The following GABRG3 variants were observed in gnomAD, a reference collection of about 807,000 sequenced individuals.
GABRG3 encodes the protein gamma-aminobutyric acid receptor subunit gamma-3.
A neutral mutation model predicts 48.8 loss-of-function variants in GABRG3; 25 were observed. The ratio of observed to expected loss-of-function variants is 0.51; its 90% confidence interval spans 0.37 to 0.72. The LOEUF (loss-of-function observed/expected upper bound fraction) is 0.72. GABRG3 is among the 30% of genes least tolerant of loss of function. GABRG3 has a pLI of 0.00. For synonymous variants in GABRG3, 227 were observed against 217.6 expected (o/e 1.04, Z -0.38); for missense variants, 394 against 577.9 (o/e 0.68, Z 3.26).
chr15:27,343,307 G>T (rs1425386941), intron 5 of GABRG3, among the ~76,000 whole-genome samples: 1 of 152,152 alleles, frequency 6.6e-6, no homozygotes, highest in Non-Finnish European at 1.5e-5. Context: ...GTCTCAAACA[G>T]ACCTGTGCTT....
chr15:27,270,179 C>G (rs1891037013), intron 3 of GABRG3, among the ~76,000 whole-genome samples: 1 of 152,076 alleles, frequency 6.6e-6, no homozygotes, highest in Admixed American at 6.6e-5. Context: ...AAAAATGAAT[C>G]AAGTTTTTCT....
chr15:27,031,924 A>G (rs1207692479), intron 3 of GABRG3, among the ~76,000 whole-genome samples: 1 of 152,198 alleles, frequency 6.6e-6, no homozygotes, highest in Non-Finnish European at 1.5e-5. Context: ...TCTCCTGCGT[A>G]AAGTTCATAG....
intron 3 of GABRG3, among the ~76,000 whole-genome samples, chr15:27,106,679 G>A (rs890253073): frequency 6.6e-6 from 1 of 151,922 alleles, no homozygotes; most frequent in South Asian, 2.1e-4. Context: ...GATTTAGCAG[G>A]ACTGACAAAA....
At chr15:27,036,947 C>A (rs1220261414) in intron 3 of GABRG3, among the ~76,000 whole-genome samples, 1 of 152,144 alleles carries the variant, frequency 6.6e-6, no homozygotes, top group Non-Finnish European at 1.5e-5. Context: ...AGAAGGGTGG[C>A]CCCTACTGCA....
chr15:27,049,546 T>C (rs1015477821), intron 3 of GABRG3, among the ~76,000 whole-genome samples: 2 of 152,186 alleles, frequency 1.3e-5, no homozygotes, highest in Non-Finnish European at 2.9e-5. Flanking sequence ...CCAGCAGGGA[T>C]GCCAGTGATC....
intron 5 of GABRG3, among the ~76,000 whole-genome samples, chr15:27,344,224 G>A (rs1382379301): frequency 6.6e-6 from 1 of 152,174 alleles, no homozygotes; most frequent in African/African-American, 2.4e-5. Flanking sequence ...ACTCTTTCTT[G>A]TACTAGCATA....
chr15:27,199,812 C>G (rs547696571), intron 3 of GABRG3, among the ~76,000 whole-genome samples: 1 of 152,270 alleles, frequency 6.6e-6, no homozygotes, highest in African/African-American at 2.4e-5. Flanking sequence ...GCAAAATGGA[C>G]TAAGAAACTT....
chr15:26,982,127 T>A (rs1446285643), intron 2 of GABRG3, among the ~76,000 whole-genome samples: 3 of 152,228 alleles, frequency 2.0e-5, no homozygotes, highest in Non-Finnish European at 4.4e-5. Context: ...CACCACAGTG[T>A]TTGCATCCTA....
At chr15:27,225,596 C>G (rs1889587539) in intron 3 of GABRG3, among the ~76,000 whole-genome samples, 1 of 152,140 alleles carries the variant, frequency 6.6e-6, no homozygotes, top group Admixed American at 6.5e-5. Flanking sequence ...TCCCACCTGC[C>G]TTCCACCCAG....
chr15:27,201,373 A>G (rs11639452), intron 3 of GABRG3, among the ~76,000 whole-genome samples: 2 of 149,044 alleles, frequency 1.3e-5, no homozygotes, highest in African/African-American at 5.0e-5. Flanking sequence ...TGTGTGTGTG[A>G]GAGAGAAAGA....
chr15:27,417,118 G>A (rs1887961288), intron 5 of GABRG3, among the ~76,000 whole-genome samples: 1 of 152,150 alleles, frequency 6.6e-6, no homozygotes. Context: ...TCACAATTGG[G>A]AACTGTGGGT....
At position 27,265,881 on chromosome 15, in the gene GABRG3, G is replaced by GTTTTTTTTTTTTTTTTTTTTTTTTTTT. The variant is rs147459440; in HGVS notation, c.271-60928_271-60927insTTTTTTTTTTTTTTTTTTTTTTTTTTT. On this transcript the variant is annotated intron_variant, in intron 3 of 9. Coordinates refer to ENST00000615808, the MANE Select transcript of GABRG3 (RefSeq NM_033223.5). ...TGCAAGGTCAAGAAGATTTTCTCCT[G>GTTTTTTTTTTTTTTTTTTTTTTTTTTT]GTTTTTTTTTTTTTTTGAGAGTGAC... Among the ~76,000 whole-genome samples, 5 of 124,860 alleles carry GTTTTTTTTTTTTTTTTTTTTTTTTTTT rather than the reference G, an allele frequency of 4.0e-5. 2 individuals carry two copies. Among genetic ancestry groups the GTTTTTTTTTTTTTTTTTTTTTTTTTTT allele is most frequent in the Non-Finnish European group, 3.1e-5 (2 of 63,974 alleles). The allele number at this position is 124,860 out of a possible 152,430, so 81.9% of individuals were successfully genotyped here.
chr15:27,153,750 A>C (rs1035924333), intron 3 of GABRG3, among the ~76,000 whole-genome samples: 8 of 151,832 alleles, frequency 5.3e-5, no homozygotes, highest in African/African-American at 1.2e-4. Flanking sequence ...TGGTGTTCTG[A>C]AGTTTACTTA....
chr15:26,976,800 C>T lies in GABRG3; in HGVS notation c.54-202C>T, dbSNP rs1250726710. On this transcript the variant is annotated intron_variant, in intron 1 of 9. Transcript: ENST00000615808. This position sits in a 1 kb window ranked among gnomAD's most constrained non-coding sequence, Gnocchi z 7.8. The stretch of plus-strand genomic sequence containing the variant: ...TAATAAAAACATACCATGTTAATAG[C>T]AGTAGCATTCTTCCTATGGAATCAT... 3.3e-5 allele frequency among the ~76,000 whole-genome samples: 5 copies of T among 152,154 alleles called. No homozygotes were observed. Among genetic ancestry groups the T allele is most frequent in the Non-Finnish European group, 7.3e-5 (5 of 68,032 alleles).
intron 3 of GABRG3, among the ~76,000 whole-genome samples, chr15:27,264,144 AACAG>A (rs997748943): frequency 1.3e-4 from 20 of 152,198 alleles, no homozygotes; most frequent in African/African-American, 4.8e-4. Context: ...AGCCAGAAGA[AACAG>A]ACAGCGGCCT....
At chr15:27,288,918 A>G (rs1206377911) in intron 3 of GABRG3, among the ~76,000 whole-genome samples, 2 of 152,144 alleles carry the variant, frequency 1.3e-5, no homozygotes, top group Non-Finnish European at 1.5e-5. Context: ...TTTGTTTTAC[A>G]CTAACTTTAG....
chr15:27,453,075 G>A (rs1889156938), intron 5 of GABRG3, among the ~76,000 whole-genome samples: 2 of 152,166 alleles, frequency 1.3e-5, no homozygotes, highest in South Asian at 4.2e-4. Flanking sequence ...TTTATATGTG[G>A]AATCTAAAAG....
intron 3 of GABRG3, among the ~76,000 whole-genome samples, chr15:27,145,324 A>G (rs1197184401): frequency 1.3e-5 from 2 of 152,220 alleles, no homozygotes; most frequent in Admixed American, 6.5e-5. Context: ...ATCTCACCAA[A>G]TGGAGATTGT....
intron 3 of GABRG3, among the ~76,000 whole-genome samples, chr15:27,278,192 C>T (rs1891317738): frequency 6.6e-6 from 1 of 152,038 alleles, no homozygotes; most frequent in South Asian, 2.1e-4. Context: ...GCTGGGACTA[C>T]AGGCATGCAC....
Sources: gnomAD v4.1 joint callset for allele counts (sites outside exome capture counted in the v4.1 genomes callset) on GRCh38, gnomAD v4.1.1 for gene constraint, Gnocchi (gnomAD v3.1) non-coding constraint, MANE v1.5 for transcripts, NCBI Gene and HGNC (gene_info 2026-07-23, HGNC 2026-07-21) for gene names.